Variants in RBFOX3 observed in about 807,000 individuals in gnomAD.
The protein encoded by RBFOX3 is RNA binding protein fox-1 homolog 3.
In RBFOX3, 17 loss-of-function variants were observed where a neutral mutation model predicts 48.7. That is an observed-to-expected ratio of 0.35 (90% confidence interval 0.24 to 0.52). The LOEUF is 0.52. RBFOX3 is among the 20% of genes least tolerant of loss of function. RBFOX3 has a pLI of 0.94. For missense variants in RBFOX3, 382 were observed against 497.5 expected, an observed-to-expected ratio of 0.77 and a Z score of 2.21; for synonymous variants, 212 against 209.5, an observed-to-expected ratio of 1.01 and a Z score of -0.10.
At chr17:79,128,234 TG>T (rs1323877229) in intron 4 of RBFOX3, among the ~76,000 whole-genome samples, 1 of 152,204 alleles carries the variant, frequency 6.6e-6, no homozygotes, top group African/African-American at 2.4e-5. Context: ...AACTGAAGGC[TG>T]GGCACGTCCT....
At chr17:79,419,943 A>T (rs1259457953) in intron 2 of RBFOX3, among the ~76,000 whole-genome samples, 1 of 152,190 alleles carries the variant, frequency 6.6e-6, no homozygotes, top group Non-Finnish European at 1.5e-5. Context: ...CTTGGGCAAC[A>T]CGGTGAAACC....
In RBFOX3 at chr17:79,275,356, T is replaced by C. The variant is rs369598157; in HGVS notation, c.-74+32368A>G. The stretch of plus-strand genomic sequence containing the variant: ...GGTCATTAGGTCTCAGAGAGGCCCC[T>C]GACCACCAGGCCTGAAGCACAGCCT... On this transcript the variant is annotated intron_variant, in intron 3 of 14. Coordinates refer to ENST00000693108, the MANE Select transcript of RBFOX3 (RefSeq NM_001350451.2). Among the ~76,000 whole-genome samples, 893 of 152,232 alleles carry C rather than the reference T, an allele frequency of 5.9e-3. 5 individuals are homozygous for C. The highest frequency in any genetic ancestry group is 0.024 in the Middle Eastern group (7 of 294).
intron 2 of RBFOX3, among the ~76,000 whole-genome samples, chr17:79,434,386 C>T (rs974262218): frequency 2.6e-5 from 4 of 152,132 alleles, no homozygotes; most frequent in Admixed American, 1.3e-4. Flanking sequence ...CTTATGGGGC[C>T]GTTTGTTACG....
intron 2 of RBFOX3, among the ~76,000 whole-genome samples, chr17:79,446,245 T>C (rs2072268725): frequency 6.6e-6 from 1 of 152,066 alleles, no homozygotes; most frequent in Non-Finnish European, 1.5e-5. Flanking sequence ...ATTCCCATAC[T>C]CCAAGGACAC....
At chr17:79,411,919 G>A (rs1022962406) in intron 2 of RBFOX3, among the ~76,000 whole-genome samples, 2 of 152,150 alleles carry the variant, frequency 1.3e-5, no homozygotes, top group African/African-American at 4.8e-5. Context: ...TATGTGTGGT[G>A]TATGCGAGTG....
intron 3 of RBFOX3, among the ~76,000 whole-genome samples, chr17:79,247,225 A>G (rs145739464): frequency 3.2e-4 from 48 of 152,112 alleles, no homozygotes; most frequent in African/African-American, 1.2e-3. Flanking sequence ...CTAGGATGAA[A>G]GGTGGGAGAT....
intron 14 of RBFOX3, among the ~76,000 whole-genome samples, chr17:79,093,790 G>GCC (rs986858961): frequency 2.7e-4 from 21 of 76,570 alleles, no homozygotes; most frequent in African/African-American, 8.0e-4. Flanking sequence ...TCAACAGCTG[G>GCC]CCACACACAC....
chr17:79,160,675 CATTT>C (rs2046788233), intron 4 of RBFOX3, among the ~76,000 whole-genome samples: 1 of 151,654 alleles, frequency 6.6e-6, no homozygotes, highest in Admixed American at 6.5e-5. Context: ...TTCATTCATT[CATTT>C]TTTTCTTAAT....
the RBFOX3 span, among the ~76,000 whole-genome samples, chr17:79,660,981 G>A: frequency 6.6e-6 from 1 of 152,194 alleles, no homozygotes; most frequent in South Asian, 2.1e-4. Context: ...CCTTTGCTGG[G>A]ATGTGGATGG....
intron 2 of RBFOX3, among the ~76,000 whole-genome samples, chr17:79,397,728 G>A (rs916294005): frequency 3.3e-5 from 5 of 152,084 alleles, no homozygotes; most frequent in African/African-American, 1.2e-4. Context: ...CAGGAGTCAC[G>A]GCAGGGACCT....
chr17:79,423,324 C>G lies in RBFOX3; in HGVS notation c.-175+59130G>C, dbSNP rs1003265942. ...CCCCCATCGACCAGGATGCCAGGAGCCAGGATGATTCTGCTTTCAATGCTT... is the reference window on the plus strand; with the variant it reads ...CCCCCATCGACCAGGATGCCAGGAGGCAGGATGATTCTGCTTTCAATGCTT... On this transcript the variant is annotated intron_variant, in intron 2 of 14. Coordinates refer to ENST00000693108, the MANE Select transcript of RBFOX3 (RefSeq NM_001350451.2). The surrounding 1 kb of genome is among the most constrained non-coding windows in gnomAD (Gnocchi z 4.9). Among the ~76,000 whole-genome samples, 1 of 152,174 alleles carries G rather than the reference C, an allele frequency of 6.6e-6. No homozygotes were observed. Among genetic ancestry groups the G allele is most frequent in the Non-Finnish European group, 1.5e-5 (1 of 68,024 alleles).
At chr17:79,152,073 C>G (rs965138543) in intron 4 of RBFOX3, among the ~76,000 whole-genome samples, 5 of 152,020 alleles carry the variant, frequency 3.3e-5, no homozygotes, top group Non-Finnish European at 7.4e-5. Flanking sequence ...CAGGGCTCCC[C>G]CCACCCACCA....
chr17:79,369,172 C>A (rs1328282584), intron 2 of RBFOX3, among the ~76,000 whole-genome samples: 7 of 152,298 alleles, frequency 4.6e-5, no homozygotes, highest in Admixed American at 4.6e-4. Context: ...AGCACACGAG[C>A]AACGGGCAAC....
chr17:79,594,774 G>A (rs1465751624), intron 1 of RBFOX3, among the ~76,000 whole-genome samples: 1 of 152,172 alleles, frequency 6.6e-6, no homozygotes, highest in Non-Finnish European at 1.5e-5. Context: ...GGGGCTGGGG[G>A]TGTAGGCAGC....
chr17:79,289,020 G>A (rs1341847172), intron 3 of RBFOX3, among the ~76,000 whole-genome samples: 1 of 152,086 alleles, frequency 6.6e-6, no homozygotes, highest in South Asian at 2.1e-4. Flanking sequence ...CATCCATGGG[G>A]ACAGCTGGGG....
rs2058761091 is a variant in RBFOX3, at chr17:79,214,511, G to C, written c.-34+21255C>G. On this transcript the variant is annotated intron_variant, in intron 4 of 14. Transcript: ENST00000693108. The surrounding 1 kb of genome is among the most constrained non-coding windows in gnomAD (Gnocchi z 4.7). Reference sequence around the variant, plus strand: ...CCCTGGCACCCAGGGAGGAGGAGGAGAGATGGGAGAAGAGGGGCTCCCTGG... The same window carrying C: ...CCCTGGCACCCAGGGAGGAGGAGGACAGATGGGAGAAGAGGGGCTCCCTGG... Among the ~76,000 whole-genome samples the C allele has an allele frequency of 6.6e-6, 1 of 151,972 alleles. No individual in the cohort carries two copies. The highest frequency in any genetic ancestry group is 2.4e-5 in the African/African-American group (1 of 41,352).
upstream of RBFOX3, among the ~76,000 whole-genome samples, chr17:79,615,270 A>G (rs2093989404): frequency 2.6e-5 from 4 of 152,318 alleles, 1 homozygote; most frequent in African/African-American, 9.6e-5. Context: ...ACATTTGCAC[A>G]TGCGAGATCT....
chr17:79,192,043 G>T (rs551186619), intron 4 of RBFOX3, among the ~76,000 whole-genome samples: 1 of 152,258 alleles, frequency 6.6e-6, no homozygotes, highest in South Asian at 2.1e-4. Flanking sequence ...TGAGTTAGGT[G>T]TGAAGCTATT....
intron 4 of RBFOX3, among the ~76,000 whole-genome samples, chr17:79,208,881 TCTC>T (rs2057937098): frequency 6.6e-6 from 1 of 151,892 alleles, no homozygotes; most frequent in Non-Finnish European, 1.5e-5. Flanking sequence ...AGTGATGTGA[TCTC>T]GGCTCACTGC....
Sources: gnomAD v4.1 joint callset for allele counts (sites outside exome capture counted in the v4.1 genomes callset) on GRCh38, gnomAD v4.1.1 for gene constraint, Gnocchi (gnomAD v3.1) non-coding constraint, MANE v1.5 for transcripts, NCBI Gene and HGNC (gene_info 2026-07-23, HGNC 2026-07-21) for gene names.